IGFALS: variants seen among roughly 807,000 people sequenced by gnomAD.
IGFALS encodes the protein insulin-like growth factor-binding protein complex acid labile subunit.
Under a neutral mutation model 2.6 loss-of-function variants are expected in IGFALS, and 2 were observed. The ratio of observed to expected loss-of-function variants is 0.77; its 90% CI spans 0.32 to 2.44. The LOEUF is 2.44. Among genes scored for constraint, IGFALS ranks in the 30% most tolerant of loss-of-function variants. The pLI is 0.11. For synonymous variants in IGFALS, 519 were observed against 431.9 expected (o/e 1.20, Z -2.50); for missense variants, 996 against 848.7 (o/e 1.17, Z -2.16).
Position 1,791,469 on chromosome 16 carries a change from C to G in IGFALS, c.949G>C (p.Glu317Gln). The G allele has an allele frequency of 1.9e-6, 3 of 1,612,250 alleles. No individual in the cohort carries two copies. The highest frequency in any genetic ancestry group is 2.5e-6 in the Non-Finnish European group (3 of 1,179,836). Residue 317 changes from glutamate to glutamine, a missense_variant, in exon 2 of 2, where the codon GAG becomes CAG. Transcript: ENST00000215539. ...CGGTTGTGGCCCAGCTGCAGCTCCT[C>G]CAGGAAGTGCAGGTCCTTGAAGGTG... Reference protein sequence around the residue: ...PRTFKDLHFLEELQLGHNRIR... With the variant: ...PRTFKDLHFLQELQLGHNRIR...
Position 1,790,752 on chromosome 16 carries a change from T to A in IGFALS, c.1666A>T (p.Ser556Cys). The A allele has an allele frequency of 6.2e-7, 1 of 1,601,990 alleles. No individual in the cohort carries two copies. Among genetic ancestry groups the A allele is most frequent in the Non-Finnish European group, 8.5e-7 (1 of 1,175,386 alleles). Reference sequence around the variant, plus strand: ...GCCTGGACGAAGCGGGGCACAGCACTGGGGTTCTGCAGGGCGAAGTCCCGC... The same window carrying A: ...GCCTGGACGAAGCGGGGCACAGCACAGGGGTTCTGCAGGGCGAAGTCCCGC... ...ALRDFALQNP[S>C]AVPRFVQAIC... The change falls in exon 2 of 2, where the codon AGT becomes TGT. Residue 556 changes from serine (S) to cysteine (C), a missense_variant. Coordinates refer to ENST00000215539, the MANE Select transcript of IGFALS (RefSeq NM_004970.3).
rs537886113 is a variant in IGFALS, at chr16:1,792,026, C to T, written c.392G>A (p.Arg131Gln). 6.7e-5 allele frequency: 108 copies of T among 1,610,240 alleles called. 1 individual carries two copies. The highest frequency in any genetic ancestry group is 1.3e-4 in the South Asian group (12 of 90,838). Residue 131 changes from arginine to glutamine, a missense_variant, in exon 2 of 2, where the codon CGG (arginine) becomes CAG (glutamine). Physicochemically the swap from Arg to Gln is conservative, Grantham distance 43. Coordinates refer to ENST00000215539, the MANE Select transcript of IGFALS (RefSeq NM_004970.3). ...LENLCHLHLE[R>Q]NQLRSLALGT... Reference sequence around the variant, plus strand: ...GAGTGCCAGGCTGCGCAGCTGGTTCCGCTCCAGGTGCAGGTGGCACAGGTT... The same window carrying T: ...GAGTGCCAGGCTGCGCAGCTGGTTCTGCTCCAGGTGCAGGTGGCACAGGTT...
chr16:1,791,220 G>T lies in IGFALS; in HGVS notation c.1198C>A (p.Arg400Ser). The T allele has an allele frequency of 1.9e-6, 3 of 1,607,974 alleles. No homozygotes were observed. The highest frequency in any genetic ancestry group is 1.7e-4 in the Middle Eastern group (1 of 6,058). Residue 400 changes from arginine (R) to serine (S), a missense_variant, in exon 2 of 2, where the codon CGC becomes AGC. Arg to Ser is a moderately radical substitution (Grantham distance 110). Transcript: ENST00000215539. Reference sequence around the variant, plus strand: ...CCGGTGAAGGTGTGCGGGCGGATGCGTCCCAGGCAGCTGCCCTCCAGGTGC... The same window carrying T: ...CCGGTGAAGGTGTGCGGGCGGATGCTTCCCAGGCAGCTGCCCTCCAGGTGC... ...SLHLEGSCLG[R>S]IRPHTFTGLS...
At chr16:1,794,455 C>A (rs938169379), upstream of IGFALS, among the ~76,000 whole-genome samples, 24 of 152,276 alleles carry the variant, frequency 1.6e-4, no homozygotes, top group African/African-American at 5.8e-4. Context: ...CCTTGCTGTC[C>A]CCCAAGGCTC....
In IGFALS at chr16:1,791,502, G is replaced by A. The variant is rs1344866257; in HGVS notation, c.916C>T (p.Arg306Trp). The A allele has an allele frequency of 9.3e-6, 15 of 1,606,982 alleles. No homozygotes were observed. Among genetic ancestry groups the A allele is most frequent in the Middle Eastern group, 1.7e-4 (1 of 6,054 alleles). Residue 306 changes from arginine (R) to tryptophan (W), a missense_variant, in exon 2 of 2, where the codon CGG (arginine) becomes TGG (tryptophan). Physicochemically the swap from Arg to Trp is moderately radical, Grantham distance 101. Transcript: ENST00000215539. Reference protein sequence around the residue: ...RLSHNAIASLRPRTFKDLHFL... With the variant: ...RLSHNAIASLWPRTFKDLHFL... The stretch of plus-strand genomic sequence containing the variant: ...TGCAGGTCCTTGAAGGTGCGGGGCC[G>A]CAGGCTGGCGATGGCGTTGTGGGAC...
chr16:1,793,301 G>T (rs2142013456), intron 1 of IGFALS, among the ~76,000 whole-genome samples: 1 of 152,192 alleles, frequency 6.6e-6, no homozygotes, highest in East Asian at 1.9e-4. Flanking sequence ...TCTCCTGCCT[G>T]GGCCGGGCCC....
rs865848616 is a variant in IGFALS, at chr16:1,791,726, C to T, written c.692G>A (p.Arg231Gln). 3.9e-6 allele frequency: 6 copies of T among 1,557,700 alleles called. No individual in the cohort carries two copies. Among genetic ancestry groups the T allele is most frequent in the South Asian group, 2.3e-5 (2 of 85,290 alleles). Residue 231 changes from arginine to glutamine, a missense_variant, in exon 2 of 2, where the codon CGG becomes CAG. Coordinates refer to ENST00000215539, the MANE Select transcript of IGFALS (RefSeq NM_004970.3). ...RELDLSRNALRAIKANVFVQL... is the reference protein window; with the variant it reads ...RELDLSRNALQAIKANVFVQL... ...CACGAACACGTTTGCCTTGATGGCC[C>T]GCAGCGCGTTCCTGCTCAGGTCCAG...
At chr16:1,792,520 G>C (rs1212991901) in intron 1 of IGFALS, 119 bp from the exon 2 acceptor site, 1 of 1,431,766 alleles carries the variant, frequency 7.0e-7, no homozygotes, top group South Asian at 1.5e-5. Context: ...CACCCGCTGA[G>C]ATGCGAAGAA....
At position 1,792,221 on chromosome 16, in the gene IGFALS, G is replaced by T. The variant is rs145465654; in HGVS notation, c.197C>A (p.Thr66Lys). 2.5e-5 allele frequency: 40 copies of T among 1,607,462 alleles called. No homozygotes were observed. Among genetic ancestry groups the T allele is most frequent in the Admixed American group, 5.0e-5 (3 of 59,944 alleles). The change falls in exon 2 of 2, where the codon ACG becomes AAG. Residue 66 changes from threonine (T) to lysine (K), a missense_variant. By Grantham distance (78) the Thr-to-Lys change is moderately conservative. Transcript: ENST00000215539. ...LSVFCSSRNL[T>K]RLPDGVPGGT... ...GCCCGGGACTCCATCAGGCAGGCGC[G>T]TGAGGTTCCTGGAGCTGCAGAAGAC...
Position 1,790,588 on chromosome 16 carries a change from C to A in IGFALS, c.*12G>T. 1 of 1,557,620 alleles carries A rather than the reference C, an allele frequency of 6.4e-7. No individual in the cohort carries two copies. The highest frequency in any genetic ancestry group is 1.2e-5 in the South Asian group (1 of 84,674). On this transcript the variant is annotated 3_prime_UTR_variant, in exon 2 of 2. Coordinates refer to ENST00000215539, the MANE Select transcript of IGFALS (RefSeq NM_004970.3). The stretch of plus-strand genomic sequence containing the variant: ...GGGGGCCTGAGTCCGGGGCTTGAGT[C>A]CGGGGACCTGGTCAGCAGGGAGCAA...
rs201802580 is a variant in IGFALS, at chr16:1,791,411, C to T, written c.1007G>A (p.Gly336Asp). ...CGTGAGCACCTCAAGCTGCCCCAGG[C>T]CCTCAAAGCTGCGCTCAGCCAGCTG... ...IRQLAERSFE[G>D]LGQLEVLTLD... Residue 336 changes from glycine (G) to aspartate (D), a missense_variant, in exon 2 of 2, where the codon GGC becomes GAC. Coordinates refer to ENST00000215539, the MANE Select transcript of IGFALS (RefSeq NM_004970.3). 1 of 1,611,590 alleles carries T rather than the reference C, an allele frequency of 6.2e-7. No homozygotes were observed. The highest frequency in any genetic ancestry group is 8.5e-7 in the Non-Finnish European group (1 of 1,179,970).
chr16:1,790,528 C>T lies in IGFALS; in HGVS notation c.*72G>A, dbSNP rs1327484825. 2.3e-6 allele frequency: 3 copies of T among 1,329,742 alleles called. No individual in the cohort carries two copies. Among genetic ancestry groups the T allele is most frequent in the African/African-American group, 1.5e-5 (1 of 68,834 alleles). The allele number at this position is 1,329,742 out of a possible 1,614,324, so 82.4% of individuals were successfully genotyped here. ...TGCACTGGGCAGGCCCCTGAGGACA[C>T]TGAGGACCTGTCCCCAGCACAAGGT... On this transcript the variant is annotated 3_prime_UTR_variant, in exon 2 of 2. Transcript: ENST00000215539.
upstream of IGFALS, chr16:1,794,736 T>C: frequency 1.5e-6 from 1 of 659,324 alleles, no homozygotes; most frequent in South Asian, 1.6e-5. Context: ...AGTGGGAAAG[T>C]GTGCAGGGAA....
At chr16:1,793,393 T>G (rs1020758732) in intron 1 of IGFALS, among the ~76,000 whole-genome samples, 1 of 152,060 alleles carries the variant, frequency 6.6e-6, no homozygotes, top group Non-Finnish European at 1.5e-5. Flanking sequence ...TCCTCCCCTG[T>G]GCCGCCGCCA....
rs1164680868 is a variant in IGFALS, at chr16:1,792,049, G to T, written c.369C>A (p.Asn123Lys). ...TCCGCTCCAGGTGCAGGTGGCACAGGTTCTCTAGGCCCAGCAGCGCCTGTG... is the reference window on the plus strand; with the variant it reads ...TCCGCTCCAGGTGCAGGTGGCACAGTTTCTCTAGGCCCAGCAGCGCCTGTG... The part of the protein sequence containing the change: ...LEPQALLGLE[N>K]LCHLHLERNQ... Residue 123 changes from asparagine (N) to lysine (K), a missense_variant, in exon 2 of 2, where the codon AAC becomes AAA. Transcript: ENST00000215539. The T allele has an allele frequency of 2.5e-6, 4 of 1,610,634 alleles. No homozygotes were observed. Among genetic ancestry groups the T allele is most frequent in the Non-Finnish European group, 3.4e-6 (4 of 1,179,498 alleles).
rs756878975 is a variant in IGFALS at position 1,791,137 on chromosome 16, C to T, written c.1281G>A (p.Glu427=). The T allele has an allele frequency of 1.2e-6, 2 of 1,605,162 alleles. No individual in the cohort carries two copies. Among genetic ancestry groups the T allele is most frequent in the South Asian group, 1.1e-5 (1 of 91,046 alleles). Residue 427 remains glutamate (E), a synonymous_variant, in exon 2 of 2, where the codon GAG becomes GAA. Coordinates refer to ENST00000215539, the MANE Select transcript of IGFALS (RefSeq NM_004970.3). The part of the protein sequence containing the change: ...LKDNGLVGIE[E]QSLWGLAELL... The stretch of plus-strand genomic sequence containing the variant: ...GCTCCGCCAGCCCCCACAGGCTCTG[C>T]TCCTCAATGCCCACGAGGCCGTTGT...
upstream of IGFALS, among the ~76,000 whole-genome samples, chr16:1,794,357 C>G (rs1897290864): frequency 6.6e-6 from 1 of 152,192 alleles, no homozygotes; most frequent in Non-Finnish European, 1.5e-5. Context: ...CGCCTGTTTG[C>G]TTTTGCCCTG....
Position 1,792,410 on chromosome 16 carries a change from G to T in IGFALS, c.17-9C>A. On this transcript the variant is annotated splice_polypyrimidine_tract_variant and intron_variant, in intron 1 of 1. Coordinates refer to ENST00000215539, the MANE Select transcript of IGFALS (RefSeq NM_004970.3). The stretch of plus-strand genomic sequence containing the variant: ...CGCCAGGGCCAGGCCTCCTGCGGGG[G>T]GAGAGGCTTGGGGAGGCGGCCCGAG... The T allele has an allele frequency of 6.4e-7, 1 of 1,554,940 alleles. No homozygotes were observed.
Position 1,791,671 on chromosome 16 carries a change from C to A in IGFALS, c.747G>T (p.Leu249=). 2 of 1,583,370 alleles carry A rather than the reference C, an allele frequency of 1.3e-6. No individual in the cohort carries two copies. The highest frequency in any genetic ancestry group is 1.7e-6 in the Non-Finnish European group (2 of 1,168,074). The change falls in exon 2 of 2, where the codon CTG becomes CTT. Residue 249 remains leucine (L), a synonymous_variant. Coordinates refer to ENST00000215539, the MANE Select transcript of IGFALS (RefSeq NM_004970.3). ...VQLPRLQKLY[L]DRNLIAAVAP... is the part of the protein sequence containing the mutation. ...CCACGGCAGCGATGAGGTTGCGGTC[C>A]AGGTAGAGTTTCTGGAGCCGGGGCA...
Sources: gnomAD v4.1 joint callset for allele counts (sites outside exome capture counted in the v4.1 genomes callset) on GRCh38, gnomAD v4.1.1 for gene constraint, MANE v1.5 for transcripts, NCBI Gene and HGNC (gene_info 2026-07-23, HGNC 2026-07-21) for gene names.